The following TRUB1 variants were observed in gnomAD, a reference collection of about 807,000 sequenced individuals.
TRUB1 encodes the protein TruB pseudouridine synthase family member 1, also known as pseudouridylate synthase TRUB1.
TRUB1 carries 23 observed loss-of-function variants against 33.9 expected under a neutral mutation model. The observed-to-expected ratio is 0.68, with a 90% CI of 0.49 to 0.96. The LOEUF (loss-of-function observed/expected upper bound fraction) is 0.96. Ranked by LOEUF, TRUB1 falls within the 40% of genes least tolerant of loss-of-function variation. The pLI, the probability that TRUB1 is intolerant of heterozygous loss-of-function variation, is 0.00. For missense variants in TRUB1, 378 were observed against 422.2 expected (o/e 0.90, Z 0.92); for synonymous variants, 163 against 165.4 (o/e 0.99, Z 0.11).
chr10:114,942,936 A>G (rs949903434), intron 2 of TRUB1, among the ~76,000 whole-genome samples, 193 bp downstream of exon 2: 2 of 152,222 alleles, frequency 1.3e-5, no homozygotes, highest in African/African-American at 4.8e-5. Flanking sequence ...GGCTGTTAGA[A>G]ATAGCTACTT....
chr10:114,968,507 A>G (rs541500937), intron 4 of TRUB1, among the ~76,000 whole-genome samples: 37 of 152,350 alleles, frequency 2.4e-4, no homozygotes, highest in Admixed American at 1.9e-3. Context: ...TTGTATGACT[A>G]AGGTGCCGCT....
At chr10:114,945,431 A>G (rs2084207092) in intron 2 of TRUB1, among the ~76,000 whole-genome samples, 1 of 152,216 alleles carries the variant, frequency 6.6e-6, no homozygotes, top group South Asian at 2.1e-4. Flanking sequence ...AAATACAAGG[A>G]AAGAGAGGAT....
At chr10:114,956,823 A>G (rs2084263572) in intron 3 of TRUB1, among the ~76,000 whole-genome samples, 1 of 152,198 alleles carries the variant, frequency 6.6e-6, no homozygotes, top group Non-Finnish European at 1.5e-5. Context: ...GGCAGATATA[A>G]CATGTTTTTA....
chr10:114,967,789 A>G (rs983251253), intron 4 of TRUB1, among the ~76,000 whole-genome samples: 1 of 152,186 alleles, frequency 6.6e-6, no homozygotes, highest in African/African-American at 2.4e-5. Context: ...TATTAATTTG[A>G]TTGAACTTAT....
At chr10:114,959,881 C>A in intron 4 of TRUB1, 74 bp downstream of exon 4, 1 of 854,014 alleles carries the variant, frequency 1.2e-6, no homozygotes. Flanking sequence ...CATTTTAAAA[C>A]AAATCTCTGA....
At chr10:114,974,653 G>T (rs1486405100) in intron 7 of TRUB1, among the ~76,000 whole-genome samples, 1 of 151,000 alleles carries the variant, frequency 6.6e-6, no homozygotes, top group Non-Finnish European at 1.5e-5. Flanking sequence ...ATCTTTTCAA[G>T]TACAAAAGAT....
intron 3 of TRUB1, among the ~76,000 whole-genome samples, chr10:114,954,597 T>C (rs980829776): frequency 3.3e-5 from 5 of 152,052 alleles, no homozygotes; most frequent in African/African-American, 1.2e-4. Context: ...TGTCTTCCTC[T>C]CCTGCCTTGG....
chr10:114,957,616 C>T (rs1283428847), intron 3 of TRUB1, among the ~76,000 whole-genome samples: 1 of 152,124 alleles, frequency 6.6e-6, no homozygotes, highest in Non-Finnish European at 1.5e-5. Flanking sequence ...GCTTTGAAAG[C>T]TGAATAAGGT....
intron 2 of TRUB1, among the ~76,000 whole-genome samples, chr10:114,944,827 A>G (rs894756022): frequency 1.3e-5 from 2 of 152,190 alleles, no homozygotes; most frequent in South Asian, 4.2e-4. Context: ...TCTATAAAAA[A>G]TTAAAAAATT....
At chr10:114,954,034 G>A (rs2084249887) in intron 3 of TRUB1, among the ~76,000 whole-genome samples, 2 of 151,190 alleles carry the variant, frequency 1.3e-5, no homozygotes, top group Non-Finnish European at 1.5e-5. Flanking sequence ...TATGTATGAT[G>A]TATTCTTGAT....
chr10:114,959,568 T>C (rs1377234292), intron 3 of TRUB1, among the ~76,000 whole-genome samples, 158 bp from the exon 4 acceptor site: 8 of 152,248 alleles, frequency 5.3e-5, no homozygotes, highest in Admixed American at 5.2e-4. Flanking sequence ...ACAATTGCTT[T>C]CCACATATTA....
chr10:114,962,244 C>T (rs528351885), intron 4 of TRUB1, among the ~76,000 whole-genome samples: 1 of 152,210 alleles, frequency 6.6e-6, no homozygotes, highest in Admixed American at 6.5e-5. Context: ...TTAGTAGAGG[C>T]AGGGTTTCAC....
At chr10:114,951,170 C>T in intron 3 of TRUB1, 21 bp downstream of exon 3, 3 of 1,597,604 alleles carry the variant, frequency 1.9e-6, no homozygotes, top group Non-Finnish European at 1.7e-6. Context: ...TGAAATAGTT[C>T]TATTTTTCTT....
chr10:114,947,030 A>G (rs2143020683), intron 2 of TRUB1, among the ~76,000 whole-genome samples: 1 of 152,292 alleles, frequency 6.6e-6, no homozygotes, highest in South Asian at 2.1e-4. Flanking sequence ...TAATCACAAT[A>G]TTCTTTAAAA....
intron 4 of TRUB1, among the ~76,000 whole-genome samples, chr10:114,961,804 A>G (rs1184069802): frequency 6.6e-6 from 1 of 152,194 alleles, no homozygotes; most frequent in Non-Finnish European, 1.5e-5. Context: ...TACCAAGGGA[A>G]AGATAGATAA....
chr10:114,950,388 C>T (rs922700707), intron 2 of TRUB1, among the ~76,000 whole-genome samples: 3 of 152,108 alleles, frequency 2.0e-5, no homozygotes, highest in African/African-American at 7.2e-5. Context: ...TTCTTATGCA[C>T]AGTTATATCT....
intron 3 of TRUB1, among the ~76,000 whole-genome samples, chr10:114,955,477 A>T (rs533670995): frequency 6.6e-6 from 1 of 152,334 alleles, no homozygotes; most frequent in East Asian, 1.9e-4. Flanking sequence ...ATATAAAGGT[A>T]CCTCCATATC....
intron 1 of TRUB1, among the ~76,000 whole-genome samples, chr10:114,942,238 G>C (rs1009882994): frequency 6.6e-6 from 1 of 152,182 alleles, no homozygotes; most frequent in Non-Finnish European, 1.5e-5. Flanking sequence ...CCATGGAAGA[G>C]ATTCAGAAAT....
chr10:114,973,493 G>T (rs745338093), intron 6 of TRUB1, among the ~76,000 whole-genome samples: 20 of 152,146 alleles, frequency 1.3e-4, no homozygotes, highest in Non-Finnish European at 2.6e-4. Context: ...AAAGCAGGGG[G>T]TGATTAAAAT....
Sources: allele counts gnomAD v4.1 joint callset (sites outside exome capture counted in the v4.1 genomes callset), GRCh38; gene constraint gnomAD v4.1.1; transcripts MANE v1.5; gene names NCBI Gene and HGNC (gene_info 2026-07-23, HGNC 2026-07-21).